Variants in PCDHA6 observed in about 807,000 individuals in gnomAD.
PCDHA6 encodes the protein protocadherin alpha-6.
Under a neutral mutation model 60.3 loss-of-function variants are expected in PCDHA6, and 55 were observed. That is an observed-to-expected ratio of 0.91 (90% CI 0.73 to 1.14). PCDHA6 has a LOEUF of 1.14. Among genes scored for constraint, PCDHA6 ranks in the 50% most tolerant of loss-of-function variants. The pLI is 0.00. For synonymous variants in PCDHA6, 652 were observed against 557.9 expected (o/e 1.17, Z -2.38); for missense variants, 1,327 against 1,256.5 (o/e 1.06, Z -0.85).
At chr5:140,932,967 T>C (rs367764644) in intron 1 of PCDHA6, among the ~76,000 whole-genome samples, 2 of 152,036 alleles carry the variant, frequency 1.3e-5, no homozygotes, top group South Asian at 2.1e-4. Context: ...TGCTGAAAGG[T>C]TTTTACAATG....
intron 1 of PCDHA6, chr5:140,855,859 C>T: frequency 1.4e-6 from 1 of 728,300 alleles, no homozygotes; most frequent in Non-Finnish European, 2.2e-6. Flanking sequence ...CCGGATGTCG[C>T]TGTCGTCCAC....
At chr5:140,978,769 T>C in intron 1 of PCDHA6, 180 bp from the exon 2 acceptor site, 1 of 957,338 alleles carries the variant, frequency 1.0e-6, no homozygotes, top group Non-Finnish European at 1.2e-6. Flanking sequence ...CCTGATGAAC[T>C]AATTTTCTTC....
rs1354537383 is a variant in PCDHA6 at position 140,982,283 on chromosome 5, A to G, written c.2454-192A>G. On this transcript the variant is annotated intron_variant, in intron 2 of 3. Coordinates refer to ENST00000529310, the MANE Select transcript of PCDHA6 (RefSeq NM_018909.4). The stretch of plus-strand genomic sequence containing the variant: ...TGTTCCTGGAATAGTATAGCAGGCA[A>G]TAAGTAAGTCAGCAATGCTTCTGCA... 1.7e-5 allele frequency: 18 copies of G among 1,044,438 alleles called. No homozygotes were observed. In the East Asian group the frequency reaches 2.7e-4, roughly 16 times the overall value. 64.7% of individuals were successfully genotyped at this position (1,044,438 alleles called of 1,614,324 possible).
chr5:140,914,095 C>T (rs1368870998), intron 1 of PCDHA6, among the ~76,000 whole-genome samples: 1 of 152,082 alleles, frequency 6.6e-6, no homozygotes, highest in Admixed American at 6.5e-5. Context: ...TCAATTTGTT[C>T]TATAGTGCAG....
At chr5:140,881,350 T>G (rs1189745119) in intron 1 of PCDHA6, 10 of 985,236 alleles carry the variant, frequency 1.0e-5, no homozygotes, top group Non-Finnish European at 1.2e-5. Context: ...CGGGCTACAA[T>G]GCGTGGCTTT....
intron 1 of PCDHA6, among the ~76,000 whole-genome samples, chr5:140,906,125 T>G (rs1168148239): frequency 6.6e-6 from 1 of 152,028 alleles, no homozygotes; most frequent in Non-Finnish European, 1.5e-5. Flanking sequence ...GACACAAATG[T>G]TAGTCTCCTT....
intron 1 of PCDHA6, among the ~76,000 whole-genome samples, chr5:140,912,002 A>G (rs1452427916): frequency 6.6e-6 from 1 of 152,236 alleles, no homozygotes; most frequent in Admixed American, 6.5e-5. Context: ...ACAATAGGCC[A>G]TCTGCAAGCT....
chr5:140,944,317 A>G (rs2093641596), intron 1 of PCDHA6, among the ~76,000 whole-genome samples: 2 of 152,090 alleles, frequency 1.3e-5, no homozygotes. Flanking sequence ...CCTCCTGAGT[A>G]GCTGGGATTA....
rs1554262937 is a variant in PCDHA6 at position 141,010,412 on chromosome 5, G to A, written c.*475G>A. 2.5e-6 allele frequency: 3 copies of A among 1,201,296 alleles called. No homozygotes were observed. Among genetic ancestry groups the A allele is most frequent in the Non-Finnish European group, 3.4e-6 (3 of 885,080 alleles). 74.4% of individuals were successfully genotyped at this position (1,201,296 alleles called of 1,614,324 possible). On this transcript the variant is annotated 3_prime_UTR_variant, in exon 4 of 4. Coordinates refer to ENST00000529310, the MANE Select transcript of PCDHA6 (RefSeq NM_018909.4). ...GAGACGAGCCAGCTTAGACTAATTG[G>A]TACAAGGAAGGCAAGAAAACAAAGA...
At chr5:140,850,915 T>G (rs2041875502) in intron 1 of PCDHA6, 1 of 1,529,718 alleles carries the variant, frequency 6.5e-7, no homozygotes. Flanking sequence ...ATTTTATTTA[T>G]TTATATAATT....
chr5:140,834,479 C>T (rs2150219285), intron 1 of PCDHA6: 1 of 1,614,178 alleles, frequency 6.2e-7, no homozygotes, highest in African/African-American at 1.3e-5. Context: ...GCCAGCTCCA[C>T]TACTCGGTCC....
rs146495947 is a variant in PCDHA6, at chr5:140,843,027, G to C, written c.2394+12542G>C. 1.7e-3 allele frequency: 2,668 copies of C among 1,595,168 alleles called. 274 individuals carry two copies. Among genetic ancestry groups the C allele is most frequent in the Non-Finnish European group, 2.1e-3 (2,455 of 1,165,422 alleles). ...AACGCGCCGGCACTGCTGGAGCCTC[G>C]GGTGGGTGGCACTGGTGGCGCAGCG... is the stretch of plus-strand genomic sequence containing the variant. On this transcript the variant is annotated intron_variant, in intron 1 of 3. Transcript: ENST00000529310.
Position 140,883,665 on chromosome 5 carries a change from A to G in PCDHA6, c.2394+53180A>G, listed in dbSNP as rs782383703. 3.7e-6 allele frequency: 6 copies of G among 1,613,494 alleles called. No individual in the cohort carries two copies. The African/African-American group carries it at 8.0e-5, about 22-fold the overall frequency. On this transcript the variant is annotated intron_variant, in intron 1 of 3. Transcript: ENST00000529310. ...CCCGAGTACACGGTGTTCGTGAAGG[A>G]AAACAATCCGCCGGGCTGCCACATC...
chr5:140,895,561 T>C (rs1011627715), intron 1 of PCDHA6, among the ~76,000 whole-genome samples: 2 of 152,240 alleles, frequency 1.3e-5, no homozygotes, highest in Non-Finnish European at 2.9e-5. Flanking sequence ...TCTTTATATA[T>C]TCTAGATGCA....
At position 140,856,129 on chromosome 5, in the gene PCDHA6, C is replaced by A. The variant is rs149039484; in HGVS notation, c.2394+25644C>A. Reference sequence around the variant, plus strand: ...TCCTCGCAGCCTGGGAGGTGGGGAGCGGCCAGCTCCACTACTCAGTCTACG... The same window carrying A: ...TCCTCGCAGCCTGGGAGGTGGGGAGAGGCCAGCTCCACTACTCAGTCTACG... On this transcript the variant is annotated intron_variant, in intron 1 of 3. Coordinates refer to ENST00000529310, the MANE Select transcript of PCDHA6 (RefSeq NM_018909.4). 3,312 of 1,598,096 alleles carry A rather than the reference C, an allele frequency of 2.1e-3. 297 individuals are homozygous for A. Among genetic ancestry groups the A allele is most frequent in the Non-Finnish European group, 2.6e-3 (3,056 of 1,167,792 alleles).
At chr5:140,903,563 T>G (rs1459855021) in intron 1 of PCDHA6, among the ~76,000 whole-genome samples, 1 of 152,208 alleles carries the variant, frequency 6.6e-6, no homozygotes, top group African/African-American at 2.4e-5. Context: ...ATAAGTGGAA[T>G]TGGGAGCTGT....
chr5:140,899,653 T>C (rs1478658505), intron 1 of PCDHA6, among the ~76,000 whole-genome samples: 1 of 152,220 alleles, frequency 6.6e-6, no homozygotes, highest in African/African-American at 2.4e-5. Context: ...TATTTGGTTG[T>C]GTCTCTGCCC....
At chr5:140,926,692 C>T in intron 1 of PCDHA6, 1 of 737,896 alleles carries the variant, frequency 1.4e-6, no homozygotes, top group Non-Finnish European at 2.0e-6. Context: ...CCTAGCAAGC[C>T]CGGCTCCCAG....
At chr5:140,856,985 A>G (rs1463839145) in intron 1 of PCDHA6, 1 of 1,595,232 alleles carries the variant, frequency 6.3e-7, no homozygotes, top group Non-Finnish European at 8.6e-7. Flanking sequence ...TGAGGACAGT[A>G]ACACTTATGA....
Sources: allele counts gnomAD v4.1 joint callset (sites outside exome capture counted in the v4.1 genomes callset), GRCh38; gene constraint gnomAD v4.1.1; transcripts MANE v1.5; gene names NCBI Gene and HGNC (gene_info 2026-07-23, HGNC 2026-07-21).